KIF1A: variants seen among roughly 807,000 people sequenced by gnomAD.
KIF1A encodes the protein kinesin family member 1A.
KIF1A carries 46 observed loss-of-function variants against 227.3 expected under a neutral mutation model. The ratio of observed to expected loss-of-function variants is 0.20; its 90% CI spans 0.16 to 0.26. The LOEUF is 0.26. Ranked by LOEUF, KIF1A falls within the 10% of genes least tolerant of loss-of-function variation. The pLI is 1.00. For missense variants in KIF1A, 1,683 were observed against 2,485.9 expected (o/e 0.68, Z 6.87); for synonymous variants, 1,022 against 1,012.8 (o/e 1.01, Z -0.17).
chr2:240,724,319 G>A (rs772653907), intron 40 of KIF1A: 29 of 500,824 alleles, frequency 5.8e-5, no homozygotes, highest in Non-Finnish European at 9.8e-5. Flanking sequence ...CAGCCCAAGT[G>A]GGGTACAGGC....
intron 27 of KIF1A, among the ~76,000 whole-genome samples, chr2:240,753,930 T>C (rs1173224737): frequency 6.6e-6 from 1 of 152,120 alleles, no homozygotes; most frequent in Non-Finnish European, 1.5e-5. Context: ...ACCACCTACT[T>C]CTAGGGCCAG....
chr2:240,807,392 G>A (rs937578309), intron 1 of KIF1A, among the ~76,000 whole-genome samples: 4 of 151,948 alleles, frequency 2.6e-5, no homozygotes, highest in Non-Finnish European at 4.4e-5. Flanking sequence ...ATCTGCCCGC[G>A]CTGGCCTCCC....
rs752718960 is a variant in KIF1A at position 240,757,429 on chromosome 2, C to A, written c.2748G>T (p.Glu916Asp). The change falls in exon 27 of 49, where the codon GAG (glutamate) becomes GAT (aspartate). Residue 916 changes from glutamate (E) to aspartate (D), a missense_variant. Coordinates refer to ENST00000498729, the MANE Select transcript of KIF1A (RefSeq NM_001244008.2). This position sits in a 1 kb window ranked among gnomAD's most constrained non-coding sequence, Gnocchi z 6.2. ...VGEEEEEEEE[E>D]EDEEEEDLED... ...CCAGGTCCTCCTCCTCCTCATCCTC[C>A]TCCTCCTCCTCCTCCTCCTCCTCCT... 4.0e-5 allele frequency: 38 copies of A among 956,850 alleles called. No individual in the cohort carries two copies. The Admixed American group carries it at 6.9e-4, about 17-fold the overall frequency. 59.3% of individuals were successfully genotyped at this position (956,850 alleles called of 1,614,324 possible).
chr2:240,743,643 G>A (rs553079802), intron 33 of KIF1A, among the ~76,000 whole-genome samples: 45 of 152,248 alleles, frequency 3.0e-4, no homozygotes, highest in East Asian at 2.9e-3. Flanking sequence ...TGGTCTCCCC[G>A]GGGCCACCCC....
chr2:240,733,959 C>T (rs1219876706), intron 38 of KIF1A, among the ~76,000 whole-genome samples: 1 of 152,246 alleles, frequency 6.6e-6, no homozygotes, highest in African/African-American at 2.4e-5. Context: ...CCCAAGGTCT[C>T]GCCGACTCCC....
intron 38 of KIF1A, among the ~76,000 whole-genome samples, chr2:240,735,935 G>A (rs913284956): frequency 6.6e-6 from 1 of 151,930 alleles, no homozygotes; most frequent in African/African-American, 2.4e-5. Flanking sequence ...GCAGGGCTGG[G>A]ACCAGAGCTG....
intron 1 of KIF1A, among the ~76,000 whole-genome samples, chr2:240,812,095 ACT>A (rs2057909217): frequency 6.6e-6 from 1 of 152,120 alleles, no homozygotes; most frequent in Non-Finnish European, 1.5e-5. Context: ...CAGAAAACCC[ACT>A]GGGCGCACCG....
chr2:240,722,157 C>T (rs1347640867), intron 43 of KIF1A, among the ~76,000 whole-genome samples: 1 of 152,182 alleles, frequency 6.6e-6, no homozygotes, highest in African/African-American at 2.4e-5. Context: ...TCCCAGAGGC[C>T]CGTTCAGCCG....
intron 47 of KIF1A, 92 bp from the exon 48 acceptor site, chr2:240,718,260 G>A (rs1033922395): frequency 9.2e-6 from 8 of 873,692 alleles, no homozygotes; most frequent in African/African-American, 8.3e-5. Context: ...GCAGGGGAGG[G>A]GCACTGCCAG....
At chr2:240,756,238 C>G (rs2049834345) in intron 27 of KIF1A, among the ~76,000 whole-genome samples, 1 of 152,132 alleles carries the variant, frequency 6.6e-6, no homozygotes, top group Non-Finnish European at 1.5e-5. Context: ...CTTCCACTGG[C>G]CTAGCCCAGG....
At position 240,778,194 on chromosome 2, in the gene KIF1A, G is replaced by A. The variant is rs748344771; in HGVS notation, c.883-2268C>T. Among the ~76,000 whole-genome samples, 4 of 151,974 alleles carry A rather than the reference G, an allele frequency of 2.6e-5. No homozygotes were observed. The highest frequency in any genetic ancestry group is 2.1e-4 in the South Asian group (1 of 4,802). The stretch of plus-strand genomic sequence containing the variant: ...GGACCCCACCCACGGGATGGCTGCC[G>A]GTCACACCATTCATCAAGTTTCCCC... On this transcript the variant is annotated intron_variant, in intron 10 of 48. Coordinates refer to ENST00000498729, the MANE Select transcript of KIF1A (RefSeq NM_001244008.2). The surrounding 1 kb of genome is among the most constrained non-coding windows in gnomAD (Gnocchi z 7.2).
chr2:240,807,130 G>GTGTGTATATATATATATATATA (rs1356399506), intron 1 of KIF1A, among the ~76,000 whole-genome samples: 1 of 119,450 alleles, frequency 8.4e-6, no homozygotes, highest in African/African-American at 3.0e-5. Context: ...GTGTGTGTGT[G>GTGTGTATATATATATATATATA]TATATATATA....
In KIF1A at chr2:240,788,813, G is replaced by A. The variant is rs1316285890; in HGVS notation, c.183+423C>T. ...GGAGGCTGCATGCCTTCTTCTAGAAGGGTCCAGGAGGTGGCAGGTGGAAGA... is the reference window on the plus strand; with the variant it reads ...GGAGGCTGCATGCCTTCTTCTAGAAAGGTCCAGGAGGTGGCAGGTGGAAGA... On this transcript the variant is annotated intron_variant, in intron 3 of 48. Coordinates refer to ENST00000498729, the MANE Select transcript of KIF1A (RefSeq NM_001244008.2). The surrounding 1 kb of genome is among the most constrained non-coding windows in gnomAD (Gnocchi z 6.6). Among the ~76,000 whole-genome samples the A allele has an allele frequency of 6.6e-6, 1 of 152,128 alleles. No homozygotes were observed. Among genetic ancestry groups the A allele is most frequent in the Non-Finnish European group, 1.5e-5 (1 of 68,012 alleles).
chr2:240,795,708 CA>C (rs906584287), intron 2 of KIF1A, among the ~76,000 whole-genome samples: 1 of 152,202 alleles, frequency 6.6e-6, no homozygotes, highest in African/African-American at 2.4e-5. Context: ...GAGGCTGAGC[CA>C]GGGGGCAGGT....
chr2:240,786,599 G>T, intron 5 of KIF1A, 86 bp from the exon 6 acceptor site: 2 of 1,319,534 alleles, frequency 1.5e-6, no homozygotes, highest in South Asian at 1.2e-5. Context: ...AGGGGGTAGG[G>T]GTCAACATAA....
chr2:240,759,960 G>A (rs1333393781), intron 25 of KIF1A, among the ~76,000 whole-genome samples: 2 of 151,580 alleles, frequency 1.3e-5, no homozygotes, highest in African/African-American at 2.4e-5. Flanking sequence ...GAGCTGCAGC[G>A]AGCCATGATC....
Position 240,777,912 on chromosome 2 carries a change from C to A in KIF1A, c.883-1986G>T, listed in dbSNP as rs375076589. On this transcript the variant is annotated intron_variant, in intron 10 of 48. Transcript: ENST00000498729. ...GTCCCTCGCACTTTCCCTCCCAGTC[C>A]CTCACACAGACAGTCACGCGGTTCC... Among the ~76,000 whole-genome samples, 18 of 152,330 alleles carry A rather than the reference C, an allele frequency of 1.2e-4. 1 individual carries two copies. The highest frequency in any genetic ancestry group is 4.1e-4 in the African/African-American group (17 of 41,574).
chr2:240,750,704 G>A (rs2049110182), intron 27 of KIF1A, among the ~76,000 whole-genome samples, 157 bp from the exon 28 acceptor site: 1 of 152,212 alleles, frequency 6.6e-6, no homozygotes, highest in South Asian at 2.1e-4. Flanking sequence ...GCAAGAGCGG[G>A]CGGGGACAGG....
chr2:240,719,196 G>C lies in KIF1A; in HGVS notation c.5024C>G (p.Pro1675Arg). The C allele has an allele frequency of 6.2e-7, 1 of 1,603,706 alleles. No individual in the cohort carries two copies. The highest frequency in any genetic ancestry group is 8.5e-7 in the Non-Finnish European group (1 of 1,174,706). ...VPDIQEIRVSPIVSKKGYLHF... is the reference protein window; with the variant it reads ...VPDIQEIRVSRIVSKKGYLHF... ...CAGGTACCCCTTCTTGGAAACGATC[G>C]GGCTGAAGGCAGAGAGAGCTGCTCG... The change falls in exon 47 of 49, where the codon CCG becomes CGG. Residue 1675 changes from proline (P) to arginine (R), a missense_variant and splice_region_variant. Physicochemically the swap from Pro to Arg is moderately radical, Grantham distance 103. Coordinates refer to ENST00000498729, the MANE Select transcript of KIF1A (RefSeq NM_001244008.2).
Sources: gnomAD v4.1 joint callset for allele counts (sites outside exome capture counted in the v4.1 genomes callset) on GRCh38, gnomAD v4.1.1 for gene constraint, Gnocchi (gnomAD v3.1) non-coding constraint, MANE v1.5 for transcripts, NCBI Gene and HGNC (gene_info 2026-07-23, HGNC 2026-07-21) for gene names.